Variants in DYM observed in about 807,000 individuals in gnomAD.
The protein encoded by DYM is dyggve-Melchior-Clausen syndrome protein.
Under a neutral mutation model 93.1 loss-of-function variants are expected in DYM, and 78 were observed. That is an observed-to-expected ratio of 0.84 (90% CI 0.70 to 1.01). The LOEUF is 1.01. DYM is among the 50% of genes least tolerant of loss of function. DYM has a pLI of 0.00. For synonymous variants in DYM, 321 were observed against 319.7 expected (o/e 1.00, Z -0.04); for missense variants, 789 against 845.0 (o/e 0.93, Z 0.82).
intron 15 of DYM, among the ~76,000 whole-genome samples, chr18:49,136,725 T>C (rs1056205899): frequency 6.6e-6 from 1 of 152,172 alleles, no homozygotes; most frequent in African/African-American, 2.4e-5. Flanking sequence ...TCCTCTTCTT[T>C]TGAGGCAAAG....
intron 15 of DYM, among the ~76,000 whole-genome samples, chr18:49,145,516 A>T (rs1036438245): frequency 6.6e-6 from 1 of 152,120 alleles, no homozygotes; most frequent in Non-Finnish European, 1.5e-5. Flanking sequence ...TTCCTCTTTC[A>T]CTTTTACCCA....
intron 2 of DYM, among the ~76,000 whole-genome samples, chr18:49,415,706 T>C (rs977057340): frequency 2.0e-5 from 3 of 151,946 alleles, no homozygotes; most frequent in African/African-American, 4.8e-5. Flanking sequence ...TGTGGGTGGA[T>C]TGCTTGAGGC....
chr18:49,271,162 A>T (rs978915958), intron 11 of DYM, among the ~76,000 whole-genome samples: 1 of 152,170 alleles, frequency 6.6e-6, no homozygotes, highest in Non-Finnish European at 1.5e-5. Flanking sequence ...GTTTGAATAT[A>T]TTTTGAGCAA....
chr18:49,372,210 AT>A (rs1028561352), intron 5 of DYM, among the ~76,000 whole-genome samples: 3 of 152,156 alleles, frequency 2.0e-5, no homozygotes, highest in African/African-American at 7.2e-5. Flanking sequence ...GTGATGCTCC[AT>A]TTTTCCCCCT....
intron 14 of DYM, among the ~76,000 whole-genome samples, chr18:49,169,901 G>A (rs992585139): frequency 3.3e-5 from 5 of 152,184 alleles, no homozygotes; most frequent in African/African-American, 1.2e-4. Context: ...ATAAAGAGAT[G>A]AGGATGCCTT....
At chr18:49,191,090 GT>G (rs1184005561) in intron 14 of DYM, among the ~76,000 whole-genome samples, 1 of 141,198 alleles carries the variant, frequency 7.1e-6, no homozygotes, top group African/African-American at 2.6e-5. Flanking sequence ...GTGCAGGGGG[GT>G]TTGGGGGTTG....
chr18:49,111,461 T>C (rs2081384868), intron 16 of DYM, among the ~76,000 whole-genome samples: 1 of 152,184 alleles, frequency 6.6e-6, no homozygotes, highest in Non-Finnish European at 1.5e-5. Flanking sequence ...ACATCATGTG[T>C]AGAACTGTAG....
In DYM at chr18:49,272,280, C is replaced by T. The variant is rs771942992; in HGVS notation, c.1149G>A (p.Leu383=). Residue 383 remains leucine, a synonymous_variant, in exon 11 of 18, where the codon CTG becomes CTA. Transcript: ENST00000675505. ...GTGAATTCCTTTCTTCAACATGATA[C>T]AGAATCTCAAGAATTGGTAAAACCT... ...ENLVLPILEI[L]YHVEERNSHH... 3.3e-5 allele frequency: 52 copies of T among 1,561,826 alleles called. No individual in the cohort carries two copies. The highest frequency in any genetic ancestry group is 4.4e-5 in the Non-Finnish European group (50 of 1,133,206).
At chr18:49,273,879 T>C (rs1369778047) in intron 10 of DYM, among the ~76,000 whole-genome samples, 1 of 150,268 alleles carries the variant, frequency 6.7e-6, no homozygotes, top group African/African-American at 2.4e-5. Flanking sequence ...ATAATACCAA[T>C]AGAGTACTGA....
At chr18:49,164,446 T>C (rs753936771) in intron 14 of DYM, among the ~76,000 whole-genome samples, 2 of 152,164 alleles carry the variant, frequency 1.3e-5, no homozygotes, top group Non-Finnish European at 2.9e-5. Context: ...AATGGTGAGC[T>C]TCTGTCTCGA....
At chr18:49,231,392 G>GA (rs2093689845) in intron 13 of DYM, among the ~76,000 whole-genome samples, 1 of 152,132 alleles carries the variant, frequency 6.6e-6, no homozygotes, top group Non-Finnish European at 1.5e-5. Flanking sequence ...CACAGAACCT[G>GA]AAAATGATTG....
chr18:49,167,161 T>C (rs2088011297), intron 14 of DYM, among the ~76,000 whole-genome samples: 3 of 152,102 alleles, frequency 2.0e-5, no homozygotes, highest in Non-Finnish European at 4.4e-5. Context: ...CTTGAAACTG[T>C]TTCTTTTAGA....
At chr18:49,045,896 A>G (rs952322959) in intron 17 of DYM, among the ~76,000 whole-genome samples, 1 of 152,192 alleles carries the variant, frequency 6.6e-6, no homozygotes, top group Non-Finnish European at 1.5e-5. Context: ...AGGCTAAGGC[A>G]TGAGAATGGC....
At chr18:49,336,640 A>C (rs2063695291) in intron 6 of DYM, among the ~76,000 whole-genome samples, 1 of 152,228 alleles carries the variant, frequency 6.6e-6, no homozygotes, top group Non-Finnish European at 1.5e-5. Flanking sequence ...ATGTTCAACA[A>C]ATATTGATTA....
intron 8 of DYM, among the ~76,000 whole-genome samples, chr18:49,330,466 C>A (rs1239553486): frequency 1.3e-5 from 2 of 152,008 alleles, no homozygotes; most frequent in African/African-American, 4.8e-5. Context: ...TTTTTTGGCA[C>A]CTGGCACACT....
chr18:49,127,008 C>G (rs936875035), intron 15 of DYM, among the ~76,000 whole-genome samples: 1 of 152,116 alleles, frequency 6.6e-6, no homozygotes, highest in Non-Finnish European at 1.5e-5. Context: ...TGAAAACTAA[C>G]CGTATTTCCT....
chr18:49,202,077 A>G (rs1231504952), intron 14 of DYM, among the ~76,000 whole-genome samples: 1 of 152,216 alleles, frequency 6.6e-6, no homozygotes, highest in Admixed American at 6.5e-5. Context: ...TTAGCAGGCC[A>G]CAGGGTCACT....
intron 8 of DYM, among the ~76,000 whole-genome samples, chr18:49,314,552 C>T (rs1316453645): frequency 6.6e-6 from 1 of 152,188 alleles, no homozygotes; most frequent in Non-Finnish European, 1.5e-5. Context: ...AGCAGCTGAA[C>T]CTAACTACAT....
chr18:49,180,204 G>C (rs947436590), intron 14 of DYM, among the ~76,000 whole-genome samples: 22 of 152,154 alleles, frequency 1.4e-4, no homozygotes, highest in Admixed American at 2.6e-4. Flanking sequence ...TTGTAAGGAA[G>C]ACTTTTTTCT....
Sources: allele counts gnomAD v4.1 joint callset (sites outside exome capture counted in the v4.1 genomes callset), GRCh38; gene constraint gnomAD v4.1.1; transcripts MANE v1.5; gene names NCBI Gene and HGNC (gene_info 2026-07-23, HGNC 2026-07-21).